The following CNBD1 variants were observed in gnomAD, a reference collection of about 807,000 sequenced individuals.
CNBD1 encodes the protein cyclic nucleotide-binding domain-containing protein 1.
In CNBD1, 71 loss-of-function variants were observed where a neutral mutation model predicts 54.4. The observed-to-expected ratio is 1.30, with a 90% CI of 1.08 to 1.59. The LOEUF is 1.59. Ranked by LOEUF, CNBD1 falls within the 40% of genes most tolerant of loss-of-function variation. The pLI is 0.00. For synonymous variants in CNBD1, 182 were observed against 170.7 expected, an observed-to-expected ratio of 1.07 and a Z score of -0.51; for missense variants, 659 against 518.0, an observed-to-expected ratio of 1.27 and a Z score of -2.64.
intron 7 of CNBD1, among the ~76,000 whole-genome samples, chr8:87,285,141 A>G (rs1020310626): frequency 1.3e-5 from 2 of 152,132 alleles, no homozygotes; most frequent in Non-Finnish European, 2.9e-5. Flanking sequence ...GCAGCATGTC[A>G]TATGCTAAGA....
chr8:87,379,736 G>C (rs951803189), intron 10 of CNBD1, among the ~76,000 whole-genome samples: 1 of 151,722 alleles, frequency 6.6e-6, no homozygotes, highest in Non-Finnish European at 1.5e-5. Context: ...TATAATATTT[G>C]TAAAATTACA....
intron 1 of CNBD1, among the ~76,000 whole-genome samples, chr8:86,868,639 A>G (rs1217156313): frequency 1.3e-5 from 2 of 152,018 alleles, no homozygotes; most frequent in Non-Finnish European, 2.9e-5. Context: ...GGCTGTCTGT[A>G]TTTATATGTG....
intron 10 of CNBD1, among the ~76,000 whole-genome samples, chr8:87,373,762 A>G (rs762883803): frequency 1.3e-5 from 2 of 151,828 alleles, no homozygotes; most frequent in African/African-American, 2.4e-5. Context: ...ATGTTATATG[A>G]AGAAAAAGTG....
At chr8:87,144,205 C>G (rs76076578) in intron 4 of CNBD1, among the ~76,000 whole-genome samples, 1 of 152,124 alleles carries the variant, frequency 6.6e-6, no homozygotes, top group South Asian at 2.1e-4. Context: ...GTTGATAAAA[C>G]CTTCTAAAAC....
chr8:86,882,472 C>A (rs1340055961), intron 1 of CNBD1, among the ~76,000 whole-genome samples: 2 of 152,062 alleles, frequency 1.3e-5, no homozygotes, highest in Admixed American at 1.3e-4. Flanking sequence ...CACTGAGACA[C>A]CATCTCACAC....
At chr8:87,055,177 TAGAACAAAAGTTTAATAAGCA>T (rs1487062861) in intron 4 of CNBD1, among the ~76,000 whole-genome samples, 1 of 152,200 alleles carries the variant, frequency 6.6e-6, no homozygotes, top group East Asian at 1.9e-4. Flanking sequence ...AGGGTGAGGT[TAGAACAAAAGTTTAATAAGCA>T]AAAGAAGAAA....
At chr8:87,052,410 A>G (rs1285350110) in intron 4 of CNBD1, among the ~76,000 whole-genome samples, 1 of 152,180 alleles carries the variant, frequency 6.6e-6, no homozygotes, top group Non-Finnish European at 1.5e-5. Context: ...AGGAATTTTC[A>G]TCTGGTTTTT....
At chr8:87,049,471 G>A (rs1456538012) in intron 4 of CNBD1, among the ~76,000 whole-genome samples, 1 of 152,176 alleles carries the variant, frequency 6.6e-6, no homozygotes, top group African/African-American at 2.4e-5. Flanking sequence ...CTGATGCCCA[G>A]TGAGAGATGT....
chr8:87,141,296 T>TA (rs2130738545), intron 4 of CNBD1, among the ~76,000 whole-genome samples: 1 of 152,306 alleles, frequency 6.6e-6, no homozygotes, highest in African/African-American at 2.4e-5. Context: ...ATGCTGTTGT[T>TA]ACTAACTTAA....
chr8:87,237,327 T>C, intron 6 of CNBD1: 1 of 360,452 alleles, frequency 2.8e-6, no homozygotes, highest in Non-Finnish European at 5.0e-6. Flanking sequence ...ACTGGCAGGG[T>C]TTGTGTGGTG....
chr8:86,905,117 A>G lies in CNBD1; in HGVS notation c.195A>G (p.Thr65=), dbSNP rs749555244. The part of the protein sequence containing the change: ...SMSNILSAHD[T]FMKQYPKVFL... ...GCAATATCTTATCAGCTCACGATAC[A>G]TTTATGAAGCAATATCCTAAAGTAT... Residue 65 remains threonine, a synonymous_variant, in exon 3 of 11, where the codon ACA becomes ACG. Transcript: ENST00000518476. 1.2e-6 allele frequency: 2 copies of G among 1,612,140 alleles called. No individual in the cohort carries two copies.
intron 4 of CNBD1, among the ~76,000 whole-genome samples, chr8:87,104,761 A>G (rs1811498767): frequency 6.6e-6 from 1 of 152,196 alleles, no homozygotes. Flanking sequence ...CTTTTCATTT[A>G]TCTTTTTATA....
intron 4 of CNBD1, among the ~76,000 whole-genome samples, chr8:86,993,710 G>GT (rs1288818831): frequency 5.3e-5 from 8 of 151,884 alleles, no homozygotes; most frequent in Admixed American, 5.2e-4. Context: ...TATCACAGGG[G>GT]TGTGTATTAA....
chr8:86,940,821 G>T (rs374201750), intron 4 of CNBD1, among the ~76,000 whole-genome samples: 1 of 152,146 alleles, frequency 6.6e-6, no homozygotes, highest in African/African-American at 2.4e-5. Context: ...TGACATTTAT[G>T]TTCTGAAGAA....
chr8:87,009,250 A>G (rs1041801464), intron 4 of CNBD1, among the ~76,000 whole-genome samples: 2 of 151,886 alleles, frequency 1.3e-5, no homozygotes, highest in African/African-American at 4.8e-5. Context: ...CTGCCATTTA[A>G]TTTAATTCTA....
intron 4 of CNBD1, among the ~76,000 whole-genome samples, chr8:87,055,645 G>T (rs1410880405): frequency 6.6e-6 from 1 of 152,152 alleles, no homozygotes; most frequent in Non-Finnish European, 1.5e-5. Context: ...GATTTTTCAG[G>T]CAGGCTGCTT....
intron 4 of CNBD1, among the ~76,000 whole-genome samples, chr8:86,979,539 G>A (rs763153718): frequency 7.3e-5 from 11 of 151,624 alleles, no homozygotes; most frequent in African/African-American, 9.7e-5. Flanking sequence ...GTAGTGAGCC[G>A]TGATCTACTT....
At chr8:87,229,834 T>A (rs1194009982) in intron 5 of CNBD1, among the ~76,000 whole-genome samples, 1 of 152,210 alleles carries the variant, frequency 6.6e-6, no homozygotes, top group African/African-American at 2.4e-5. Flanking sequence ...TTTTGATAGA[T>A]TTATGAATAT....
intron 4 of CNBD1, among the ~76,000 whole-genome samples, chr8:86,987,043 G>GA (rs1384601240): frequency 1.3e-5 from 2 of 152,028 alleles, no homozygotes; most frequent in African/African-American, 2.4e-5. Flanking sequence ...CTATTTCTAT[G>GA]AAAAAATGAC....
Sources: gnomAD v4.1 joint callset for allele counts (sites outside exome capture counted in the v4.1 genomes callset) on GRCh38, gnomAD v4.1.1 for gene constraint, MANE v1.5 for transcripts, NCBI Gene and HGNC (gene_info 2026-07-23, HGNC 2026-07-21) for gene names.